Variants in SEC24C observed in about 807,000 individuals in gnomAD.
SEC24C encodes the protein SEC24 homolog C, COPII component.
SEC24C carries 22 observed loss-of-function variants against 117.0 expected under a neutral mutation model. The ratio of observed to expected loss-of-function variants is 0.19; its 90% confidence interval spans 0.13 to 0.27. The LOEUF (loss-of-function observed/expected upper bound fraction) is 0.27, where lower values mean the gene tolerates loss of function less well. Among genes scored for constraint, SEC24C ranks in the 10% least tolerant of loss-of-function variants. The probability of loss-of-function intolerance (pLI) is 1.00; values close to 1 mark genes in which losing one functional copy is unlikely to be tolerated. For missense variants in SEC24C, 1,155 were observed against 1,375.1 expected (o/e 0.84, Z 2.53); for synonymous variants, 506 against 529.4 (o/e 0.96, Z 0.61).
At position 73,766,719 on chromosome 10, in the gene SEC24C, G is replaced by A. The variant is rs566740471; in HGVS notation, c.1800-41G>A. On this transcript the variant is annotated intron_variant, in intron 12 of 22. Coordinates refer to ENST00000345254, the MANE Select transcript of SEC24C (RefSeq NM_198597.3). Reference sequence around the variant, plus strand: ...TCGAGAACTGAGGTATCTGGAATCTGTATAGCAATTTTGGTTGTTTTCCGT... The same window carrying A: ...TCGAGAACTGAGGTATCTGGAATCTATATAGCAATTTTGGTTGTTTTCCGT... 43 of 1,566,888 alleles carry A rather than the reference G, an allele frequency of 2.7e-5. 1 individual carries two copies. In the South Asian group the frequency reaches 4.0e-4, roughly 15 times the overall value.
At chr10:73,757,181 T>C (rs1423145490) in intron 3 of SEC24C, among the ~76,000 whole-genome samples, 1 of 146,390 alleles carries the variant, frequency 6.8e-6, no homozygotes, top group African/African-American at 2.5e-5. Context: ...CCCAAAGTAC[T>C]GGGATTACAG....
At position 73,770,462 on chromosome 10, in the gene SEC24C, C is replaced by T. The variant is rs755801393; in HGVS notation, c.3045C>T (p.Thr1015=). 1 of 1,614,000 alleles carries T rather than the reference C, an allele frequency of 6.2e-7. No homozygotes were observed. Among genetic ancestry groups the T allele is most frequent in the Admixed American group, 1.7e-5 (1 of 60,020 alleles). ...LFSVSSFSQI[T]SGLSVLPVLD... ...GCGTCTCCTCCTTCAGTCAGATCAC[C>T]AGTGGTTTGGTGAGGGCAGGGAGTC... Residue 1015 remains threonine, a synonymous_variant, in exon 21 of 23, where the codon ACC becomes ACT. Transcript: ENST00000345254.
rs2082667758 is a variant in SEC24C, at chr10:73,753,301, C to T, written c.308+2058C>T. 3.9e-5 allele frequency among the ~76,000 whole-genome samples: 6 copies of T among 152,326 alleles called. No homozygotes were observed. In the South Asian group the frequency reaches 1.2e-3, roughly 32 times the overall value. On this transcript the variant is annotated intron_variant, in intron 3 of 22. Transcript: ENST00000345254. ...TCCTGACCTCAAGTGATCCACCCGCCTCAGCCTTCCAAAGTGCTGGGATTA... is the reference window on the plus strand; with the variant it reads ...TCCTGACCTCAAGTGATCCACCCGCTTCAGCCTTCCAAAGTGCTGGGATTA...
chr10:73,756,935 A>AAGTCTCGC (rs2082718485), intron 3 of SEC24C, among the ~76,000 whole-genome samples: 1 of 115,334 alleles, frequency 8.7e-6, no homozygotes, highest in Non-Finnish European at 1.7e-5. Context: ...TTTTGAGATG[A>AAGTCTCGC]AGTCTCGCTC....
chr10:73,756,899 ATTTTTTTTT>A (rs1172846982), intron 3 of SEC24C, among the ~76,000 whole-genome samples: 7 of 41,898 alleles, frequency 1.7e-4, no homozygotes, highest in Admixed American at 4.2e-4. Context: ...TTCCTGGCCA[ATTTTTTTTT>A]TTTTTTTTTT....
rs2082977019 is a variant in SEC24C, at chr10:73,771,202, C to T, written c.*107C>T. The T allele has an allele frequency of 6.8e-6, 9 of 1,329,512 alleles. No homozygotes were observed. The highest frequency in any genetic ancestry group is 2.7e-4 in the Middle Eastern group (1 of 3,728). 82.4% of individuals were successfully genotyped at this position (1,329,512 alleles called of 1,614,324 possible). On this transcript the variant is annotated 3_prime_UTR_variant, in exon 23 of 23. Coordinates refer to ENST00000345254, the MANE Select transcript of SEC24C (RefSeq NM_198597.3). Reference sequence around the variant, plus strand: ...ATCTTATGTAAGCTGACCTCAGTCTCTCTGGGGGGAGGGGGAGATATAAGG... The same window carrying T: ...ATCTTATGTAAGCTGACCTCAGTCTTTCTGGGGGGAGGGGGAGATATAAGG...
At chr10:73,755,401 G>A (rs548814240) in intron 3 of SEC24C, among the ~76,000 whole-genome samples, 97 of 152,182 alleles carry the variant, frequency 6.4e-4, no homozygotes, top group Non-Finnish European at 1.2e-3. Context: ...TTTCAGGCCA[G>A]GCGCGGTGGC....
At chr10:73,770,855 G>C (rs1358471443) in intron 22 of SEC24C, 57 bp downstream of exon 22, 4 of 1,609,616 alleles carry the variant, frequency 2.5e-6, no homozygotes, top group Non-Finnish European at 3.4e-6. Flanking sequence ...CCTAGAAGTG[G>C]GGGTTGGGTG....
chr10:73,767,275 A>T (rs913315418), intron 14 of SEC24C, 105 bp downstream of exon 14: 15 of 729,526 alleles, frequency 2.1e-5, no homozygotes, highest in African/African-American at 1.9e-4. Flanking sequence ...ACCCTTTCAA[A>T]TACCATATCT....
Position 73,760,734 on chromosome 10 carries a change from G to T in SEC24C, c.872G>T (p.Gly291Val), listed in dbSNP as rs868756382. ...QQNGSFGPAR[G>V]PQSNYGGPYP... The stretch of plus-strand genomic sequence containing the variant: ...TCAGGTTCCTTCGGACCAGCCCGGG[G>T]CCCTCAGTCTAATTATGGAGGCCCC... Residue 291 changes from glycine (G) to valine (V), a missense_variant, in exon 6 of 23, where the codon GGC (glycine) becomes GTC (valine). By Grantham distance (109) the Gly-to-Val change is moderately radical. This residue lies in a region of SEC24C where 396 missense variants were observed against 382.8 expected (regional missense o/e 1.03). Transcript: ENST00000345254. 2 of 1,610,928 alleles carry T rather than the reference G, an allele frequency of 1.2e-6. No individual in the cohort carries two copies. Among genetic ancestry groups the T allele is most frequent in the Non-Finnish European group, 1.7e-6 (2 of 1,178,790 alleles).
Position 73,765,807 on chromosome 10 carries a change from C to A in SEC24C, c.1374C>A (p.Pro458=). 3 of 1,613,704 alleles carry A rather than the reference C, an allele frequency of 1.9e-6. No homozygotes were observed. Among genetic ancestry groups the A allele is most frequent in the Non-Finnish European group, 2.5e-6 (3 of 1,179,618 alleles). ...CFCSCINDVP[P]QYFQHLDHTG... ...CTGCCATGCTTCCCACAGTTCCCCC[C>A]CAGTATTTTCAGCACCTGGATCATA... The change falls in exon 10 of 23, where the codon CCC becomes CCA. Residue 458 remains proline, a synonymous_variant. Coordinates refer to ENST00000345254, the MANE Select transcript of SEC24C (RefSeq NM_198597.3).
intron 2 of SEC24C, among the ~76,000 whole-genome samples, chr10:73,750,535 G>A (rs1036536524): frequency 6.6e-6 from 1 of 152,178 alleles, no homozygotes; most frequent in Admixed American, 6.5e-5. Context: ...CAGAAACAAG[G>A]TCTCCGATCT....
intron 7 of SEC24C, 66 bp downstream of exon 7, chr10:73,763,667 C>CTTTTTTTTTTTTTTTTTTTTTTTTT: frequency 3.3e-5 from 2 of 60,492 alleles, no homozygotes; most frequent in Non-Finnish European, 6.1e-5. Context: ...ATGGTTGGGG[C>CTTTTTTTTTTTTTTTTTTTTTTTTT]TTTTTTTTTT....
At position 73,763,431 on chromosome 10, in the gene SEC24C, C is replaced by G. The variant is rs1032832468; in HGVS notation, c.988-59C>G. On this transcript the variant is annotated intron_variant, in intron 6 of 22. Coordinates refer to ENST00000345254, the MANE Select transcript of SEC24C (RefSeq NM_198597.3). ...GCTCTAGCCTTTTTCACTCTTGGCACTCTGGGACCTCACACTTCCTTTTTC... is the reference window on the plus strand; with the variant it reads ...GCTCTAGCCTTTTTCACTCTTGGCAGTCTGGGACCTCACACTTCCTTTTTC... 1.2e-5 allele frequency: 14 copies of G among 1,208,314 alleles called. No homozygotes were observed. In the African/African-American group the frequency reaches 1.9e-4, roughly 17 times the overall value. 74.8% of individuals were successfully genotyped at this position (1,208,314 alleles called of 1,614,324 possible).
chr10:73,751,532 G>C (rs545826117), intron 3 of SEC24C, among the ~76,000 whole-genome samples: 1 of 152,184 alleles, frequency 6.6e-6, no homozygotes, highest in Admixed American at 6.5e-5. Flanking sequence ...CTGGGCGATA[G>C]AGTGAGACTC....
rs1025318543 is a variant in SEC24C at position 73,759,546 on chromosome 10, T to G, written c.309-76T>G. 29 of 1,157,724 alleles carry G rather than the reference T, an allele frequency of 2.5e-5. 1 individual carries two copies. The Middle Eastern group carries it at 8.4e-4, about 33-fold the overall frequency. The allele number at this position is 1,157,724 out of a possible 1,614,324, so 71.7% of individuals were successfully genotyped here. ...TGTCACAAAACAATGTAGCTTCCTGTATGATGTGACACTTCTGTAGACTTC... is the reference window on the plus strand; with the variant it reads ...TGTCACAAAACAATGTAGCTTCCTGGATGATGTGACACTTCTGTAGACTTC... On this transcript the variant is annotated intron_variant, in intron 3 of 22. Coordinates refer to ENST00000345254, the MANE Select transcript of SEC24C (RefSeq NM_198597.3).
Position 73,771,726 on chromosome 10 carries a change from ATATTAAGATCTGGTAGAGG to A in SEC24C, c.*634_*652del, listed in dbSNP as rs2082986677. On this transcript the variant is annotated 3_prime_UTR_variant, in exon 23 of 23. Coordinates refer to ENST00000345254, the MANE Select transcript of SEC24C (RefSeq NM_198597.3). Reference sequence around the variant, plus strand: ...TGACCGGAGAACTGAGTTGCAAAATATATTAAGATCTGGTAGAGGTACCAGCTTCCTTTCCAGCTGGAGA... The same window carrying A: ...TGACCGGAGAACTGAGTTGCAAAATATACCAGCTTCCTTTCCAGCTGGAGA... 6.5e-6 allele frequency: 1 copy of A among 153,202 alleles called. No homozygotes were observed. The highest frequency in any genetic ancestry group is 1.5e-5 in the Non-Finnish European group (1 of 68,510). 9.5% of individuals were successfully genotyped at this position (153,202 alleles called of 1,614,324 possible).
rs565139383 is a variant in SEC24C, at chr10:73,765,373, C to T, written c.1228-78C>T. 3.3e-5 allele frequency: 50 copies of T among 1,524,420 alleles called. No homozygotes were observed. In the African/African-American group the frequency reaches 4.5e-4, roughly 14 times the overall value. The allele number at this position is 1,524,420 out of a possible 1,614,324, so 94.4% of individuals were successfully genotyped here. On this transcript the variant is annotated intron_variant, in intron 8 of 22. Transcript: ENST00000345254. ...ATCTGCGCCATGCGCCTTCTTCCTC[C>T]GGTTGTTCTTCCTCATCTCCTGGCT...
At chr10:73,757,031 C>G (rs1484512053) in intron 3 of SEC24C, among the ~76,000 whole-genome samples, 4 of 146,944 alleles carry the variant, frequency 2.7e-5, no homozygotes, top group Non-Finnish European at 4.5e-5. Flanking sequence ...CTGTCTGAAC[C>G]TCTTGAGTAG....
Sources: gnomAD v4.1 joint callset for allele counts (sites outside exome capture counted in the v4.1 genomes callset) on GRCh38, gnomAD v4.1.1 for gene constraint, gnomAD v4.1.1 regional missense constraint, MANE v1.5 for transcripts, NCBI Gene and HGNC (gene_info 2026-07-23, HGNC 2026-07-21) for gene names.